Variants in STAB1 observed in about 807,000 individuals in gnomAD.
STAB1 encodes stabilin 1.
Under a neutral mutation model 332.4 loss-of-function variants are expected in STAB1, and 250 were observed. That is an observed-to-expected ratio of 0.75 (90% confidence interval 0.68 to 0.84). The LOEUF is 0.84. STAB1 is among the 40% of genes least tolerant of loss of function. The probability of loss-of-function intolerance (pLI) is 0.00; values close to 1 mark genes in which losing one functional copy is unlikely to be tolerated. For missense variants in STAB1, 3,249 were observed against 3,489.7 expected, an observed-to-expected ratio of 0.93 and a Z score of 1.74; for synonymous variants, 1,475 against 1,390.4, an observed-to-expected ratio of 1.06 and a Z score of -1.35.
At chr3:52,521,544 C>G in intron 56 of STAB1, 34 bp downstream of exon 56, 8 of 1,613,800 alleles carry the variant, frequency 5.0e-6, no homozygotes, top group Non-Finnish European at 6.8e-6. Context: ...CGGCCCGATT[C>G]CTTTGGCCCT....
In STAB1 at chr3:52,517,920, ACAGGGGATGGC is replaced by A; in HGVS notation, c.4682_4692del (p.Gly1561GlufsTer29). 1 of 1,611,740 alleles carries A rather than the reference ACAGGGGATGGC, an allele frequency of 6.2e-7. No individual in the cohort carries two copies. The highest frequency in any genetic ancestry group is 1.1e-5 in the South Asian group (1 of 90,886). ...CAGCCCATATGCCACCTGCAAAAGC[ACAGGGGATGGC>A]CAGAGGACATGTACCTGCGACACAG... On this transcript the variant is annotated frameshift_variant, in exon 45 of 69. Transcript: ENST00000321725. LOFTEE classifies it high-confidence loss of function.
intron 48 of STAB1, 71 bp downstream of exon 48, chr3:52,518,940 C>T: frequency 1.3e-6 from 1 of 751,722 alleles, no homozygotes; most frequent in South Asian, 1.8e-5. Flanking sequence ...TGCCCCAGGC[C>T]CCACGGCCCA....
At chr3:52,508,859 G>A (rs1451044836) in intron 21 of STAB1, among the ~76,000 whole-genome samples, 1 of 151,656 alleles carries the variant, frequency 6.6e-6, no homozygotes, top group Non-Finnish European at 1.5e-5. Flanking sequence ...ATAATAGATA[G>A]ATAGATAGAT....
chr3:52,505,491 C>T lies in STAB1; in HGVS notation c.1581+110C>T, dbSNP rs932326395. 10 of 1,273,336 alleles carry T rather than the reference C, an allele frequency of 7.9e-6. No individual in the cohort carries two copies. In the African/African-American group the frequency reaches 1.0e-4, roughly 13 times the overall value. 78.9% of individuals were successfully genotyped at this position (1,273,336 alleles called of 1,614,324 possible). On this transcript the variant is annotated intron_variant, in intron 14 of 68. Transcript: ENST00000321725. ...GACCTGGGGTTCTGAAGTAGCATGG[C>T]CTCTGCCCATGCCCCCGTCCTCAAG...
chr3:52,511,622 C>A lies in STAB1; in HGVS notation c.2788-28C>A, dbSNP rs563551479. 5.7e-6 allele frequency: 9 copies of A among 1,588,584 alleles called. No individual in the cohort carries two copies. The African/African-American group carries it at 6.7e-5, about 12-fold the overall frequency. ...AAAGGGTTGGATGCTCATCATGAGA[C>A]AAGGCCGTCTGTTCCTAACCTTTCC... On this transcript the variant is annotated intron_variant, in intron 25 of 68. Transcript: ENST00000321725.
rs78863348 is a variant in STAB1 at position 52,513,655 on chromosome 3, T to C, written c.3271-62T>C. 10,817 of 1,535,976 alleles carry C rather than the reference T, an allele frequency of 7.0e-3. 611 individuals are homozygous for C. In the African/African-American group the frequency reaches 0.12, roughly 17 times the overall value. Reference sequence around the variant, plus strand: ...TGCCTGGCAGTCTCTCTGTTGGGGCTGCCCCACCTTTAAGGGTCTATCTGT... The same window carrying C: ...TGCCTGGCAGTCTCTCTGTTGGGGCCGCCCCACCTTTAAGGGTCTATCTGT... On this transcript the variant is annotated intron_variant, in intron 30 of 68. Transcript: ENST00000321725.
At chr3:52,518,390 G>A in intron 46 of STAB1, 31 bp downstream of exon 46, 1 of 1,607,760 alleles carries the variant, frequency 6.2e-7, no homozygotes, top group Non-Finnish European at 8.5e-7. Context: ...TCTGTGACCT[G>A]CAAGTCCCAC....
At chr3:52,507,799 G>A in intron 19 of STAB1, 124 bp downstream of exon 19, 1 of 1,461,776 alleles carries the variant, frequency 6.8e-7, no homozygotes, top group Non-Finnish European at 9.5e-7. Flanking sequence ...GAGGCTAAGT[G>A]CTTCGCAGCC....
In STAB1 at chr3:52,517,997, C is replaced by A. The variant is rs185967985; in HGVS notation, c.4755C>A (p.Val1585=). The A allele has an allele frequency of 3.1e-6, 5 of 1,603,950 alleles. No homozygotes were observed. Among genetic ancestry groups the A allele is most frequent in the Admixed American group, 3.5e-5 (2 of 57,306 alleles). Residue 1585 remains valine (V), a synonymous_variant, in exon 45 of 69, where the codon GTC becomes GTA. Coordinates refer to ENST00000321725, the MANE Select transcript of STAB1 (RefSeq NM_015136.3). ...ACGGCCTCACCTGCCGTGCCCGAGT[C>A]GGCCTGGTAATGATGCCCAAGTCAG... ...VGDGLTCRAR[V]GLELLRDKHA...
Position 52,512,929 on chromosome 3 carries a change from G to A in STAB1, c.3129G>A (p.Leu1043=), listed in dbSNP as rs1333373134. 3 of 1,611,568 alleles carry A rather than the reference G, an allele frequency of 1.9e-6. No homozygotes were observed. Among genetic ancestry groups the A allele is most frequent in the Non-Finnish European group, 2.5e-6 (3 of 1,179,676 alleles). The change falls in exon 29 of 69, where the codon CTG becomes CTA. Residue 1043 remains leucine, a synonymous_variant. Coordinates refer to ENST00000321725, the MANE Select transcript of STAB1 (RefSeq NM_015136.3). ...GCCCCGAGGACCGAGCTTTCTGGCT[G>A]CAGCCAAGGACGCTGCCGAACCTGG... is the stretch of plus-strand genomic sequence containing the variant. ...QLSPEDRAFW[L]QPRTLPNLVR... is the part of the protein sequence containing the mutation.
rs1578369725 is a variant in STAB1 at position 52,505,120 on chromosome 3, T to C, written c.1495T>C (p.Ser499Pro). The C allele has an allele frequency of 6.2e-7, 1 of 1,613,160 alleles. No homozygotes were observed. The highest frequency in any genetic ancestry group is 1.1e-5 in the South Asian group (1 of 91,066). Reference protein sequence around the residue: ...VVTGLRWQAPSGTPGDPKRTI... With the variant: ...VVTGLRWQAPPGTPGDPKRTI... ...CACTGGCCTGCGGTGGCAGGCCCCC[T>C]CTGGGACCCCTGGGGATCCCAAGGT... Residue 499 changes from serine to proline, a missense_variant, in exon 13 of 69, where the codon TCT becomes CCT. Coordinates refer to ENST00000321725, the MANE Select transcript of STAB1 (RefSeq NM_015136.3).
At chr3:52,519,053 T>A (rs1264312713) in intron 48 of STAB1, among the ~76,000 whole-genome samples, 184 bp downstream of exon 48, 1 of 151,972 alleles carries the variant, frequency 6.6e-6, no homozygotes, top group Non-Finnish European at 1.5e-5. Context: ...TGTGGGCCTG[T>A]CCTGCCCAGC....
At position 52,522,537 on chromosome 3, in the gene STAB1, C is replaced by T; in HGVS notation, c.6611-18C>T. Reference sequence around the variant, plus strand: ...CCTCAGAGCCGGCCAGCTGACCATGCACCCCTCCATTCTGCAGAGAAACGG... The same window carrying T: ...CCTCAGAGCCGGCCAGCTGACCATGTACCCCTCCATTCTGCAGAGAAACGG... On this transcript the variant is annotated intron_variant, in intron 60 of 68. Coordinates refer to ENST00000321725, the MANE Select transcript of STAB1 (RefSeq NM_015136.3). 6.2e-7 allele frequency: 1 copy of T among 1,613,090 alleles called. No homozygotes were observed. The highest frequency in any genetic ancestry group is 8.5e-7 in the Non-Finnish European group (1 of 1,180,006).
In STAB1 at chr3:52,503,037, A is replaced by G. The variant is rs1171208128; in HGVS notation, c.622A>G (p.Thr208Ala). The change falls in exon 7 of 69, where the codon ACC (threonine) becomes GCC (alanine). Residue 208 changes from threonine (T) to alanine (A), a missense_variant. Transcript: ENST00000321725. ...VCQELRCPQN[T>A]QCSAEAPSCR... is the part of the protein sequence containing the mutation. ...CCAGGAGCTGCGCTGTCCCCAGAAC[A>G]CCCAGTGCTCCGCAGAGGCTCCCAG... 1.9e-6 allele frequency: 3 copies of G among 1,602,560 alleles called. No homozygotes were observed. Among genetic ancestry groups the G allele is most frequent in the Non-Finnish European group, 2.6e-6 (3 of 1,175,732 alleles).
Position 52,514,079 on chromosome 3 carries a change from T to G in STAB1, c.3448-36T>G, listed in dbSNP as rs952374275. The G allele has an allele frequency of 1.9e-6, 3 of 1,609,478 alleles. No individual in the cohort carries two copies. In the African/African-American group the frequency reaches 4.0e-5, roughly 22 times the overall value. On this transcript the variant is annotated intron_variant, in intron 32 of 68. Coordinates refer to ENST00000321725, the MANE Select transcript of STAB1 (RefSeq NM_015136.3). Reference sequence around the variant, plus strand: ...GGCTCCCAGTGTCAGGACTGACAACTAATATGCCCATCCCTGACCTCCACC... The same window carrying G: ...GGCTCCCAGTGTCAGGACTGACAACGAATATGCCCATCCCTGACCTCCACC...
chr3:52,512,653 G>T lies in STAB1; in HGVS notation c.3027+10G>T. On this transcript the variant is annotated intron_variant, in intron 28 of 68. Coordinates refer to ENST00000321725, the MANE Select transcript of STAB1 (RefSeq NM_015136.3). ...CTACCAATGGCTTAAGGTAGGACAG[G>T]GCAGAATGCTGGGGTTGAGGGCTCA... The T allele has an allele frequency of 6.2e-7, 1 of 1,613,548 alleles. No individual in the cohort carries two copies. Among genetic ancestry groups the T allele is most frequent in the East Asian group, 2.2e-5 (1 of 44,888 alleles).
chr3:52,501,589 G>A, intron 2 of STAB1, 49 bp from the exon 3 acceptor site: 1 of 1,494,480 alleles, frequency 6.7e-7, no homozygotes. Flanking sequence ...CTGGGTGGGG[G>A]CTGTGCAAGG....
Position 52,524,134 on chromosome 3 carries a change from G to A in STAB1, c.7577G>A (p.Trp2526Ter), listed in dbSNP as rs776066979. 15 of 1,613,794 alleles carry A rather than the reference G, an allele frequency of 9.3e-6. No homozygotes were observed. The Admixed American group carries it at 1.0e-4, about 11-fold the overall frequency. The change falls in exon 68 of 69, where the codon TGG becomes TAG. Residue 2526 changes from tryptophan (W) to a stop codon, truncating the protein, a stop_gained. Transcript: ENST00000321725. LOFTEE classifies it high-confidence loss of function. ...GATGCTGATGACGACTTCTCACCGT[G>A]GCAAGAAGGGACCAACCCCACCCTG... Reference protein sequence around the residue: ...EDDADDDFSPWQEGTNPTLVS... With the variant: ...EDDADDDFSP
chr3:52,515,904 T>G, intron 37 of STAB1, 139 bp from the exon 38 acceptor site: 1 of 980,186 alleles, frequency 1.0e-6, no homozygotes, highest in Non-Finnish European at 1.5e-6. Flanking sequence ...CTCTTTCAGC[T>G]CTGAGCTGCT....
Sources: gnomAD v4.1 joint callset for allele counts (sites outside exome capture counted in the v4.1 genomes callset) on GRCh38, gnomAD v4.1.1 for gene constraint, MANE v1.5 for transcripts, NCBI Gene and HGNC (gene_info 2026-07-23, HGNC 2026-07-21) for gene names.